FBN2: variants seen among roughly 807,000 people sequenced by gnomAD.
The protein encoded by FBN2 is fibrillin-2.
In FBN2, 105 loss-of-function variants were observed where a neutral mutation model predicts 355.6. The observed-to-expected ratio is 0.30, with a 90% CI of 0.25 to 0.35. The LOEUF is 0.35. FBN2 is among the 10% of genes least tolerant of loss of function. The probability of loss-of-function intolerance (pLI) is 1.00; values close to 1 mark genes in which losing one functional copy is unlikely to be tolerated. For synonymous variants in FBN2, 1,350 were observed against 1,301.2 expected (o/e 1.04, Z -0.81); for missense variants, 3,280 against 3,758.7 (o/e 0.87, Z 3.33).
chr5:128,286,252 T>A (rs1483691503), intron 55 of FBN2, among the ~76,000 whole-genome samples: 1 of 152,198 alleles, frequency 6.6e-6, no homozygotes, highest in Non-Finnish European at 1.5e-5. Flanking sequence ...GTATATATAA[T>A]TTTTTATATG....
chr5:128,402,031 G>A (rs1312615395), intron 8 of FBN2, among the ~76,000 whole-genome samples: 1 of 152,092 alleles, frequency 6.6e-6, no homozygotes, highest in Admixed American at 6.5e-5. Flanking sequence ...ACATACACTG[G>A]TGTAGCATCT....
chr5:128,277,363 G>T (rs563001378), intron 58 of FBN2, among the ~76,000 whole-genome samples: 101 of 152,298 alleles, frequency 6.6e-4, no homozygotes, highest in Middle Eastern at 3.4e-3. Flanking sequence ...TACTGAGACT[G>T]CTCCGCAGCT....
At chr5:128,442,415 G>T (rs1382773893) in intron 7 of FBN2, 2 of 455,060 alleles carry the variant, frequency 4.4e-6, no homozygotes, top group South Asian at 1.6e-5. Flanking sequence ...AAAGAAAAAC[G>T]CTGAGCTGTC....
chr5:128,322,676 T>A (rs533454073), intron 34 of FBN2, among the ~76,000 whole-genome samples: 1 of 152,206 alleles, frequency 6.6e-6, no homozygotes, highest in Non-Finnish European at 1.5e-5. Context: ...CATGCTGTTA[T>A]GGTTACTGTG....
intron 7 of FBN2, among the ~76,000 whole-genome samples, chr5:128,444,088 C>T (rs1393802183): frequency 9.6e-5 from 9 of 93,672 alleles, no homozygotes; most frequent in Admixed American, 1.7e-4. Context: ...TTTTTTGAGA[C>T]GGAGTCTCGC....
chr5:128,536,039 CATA>C (rs1372240229), intron 2 of FBN2, among the ~76,000 whole-genome samples: 16 of 152,102 alleles, frequency 1.1e-4, no homozygotes, highest in Admixed American at 1.0e-3. Flanking sequence ...TGATAATTTG[CATA>C]ATAACATGTG....
intron 11 of FBN2, among the ~76,000 whole-genome samples, chr5:128,384,511 TTAAC>T (rs1752316527): frequency 6.6e-6 from 1 of 152,116 alleles, no homozygotes; most frequent in Non-Finnish European, 1.5e-5. Context: ...TCCATCATGA[TTAAC>T]TAAGAAAAAG....
intron 13 of FBN2, among the ~76,000 whole-genome samples, chr5:128,377,387 A>G (rs1241354979): frequency 1.3e-5 from 2 of 152,118 alleles, no homozygotes; most frequent in African/African-American, 2.4e-5. Context: ...GACCTTTTCT[A>G]TTTTGTCAGT....
chr5:128,412,088 T>TC (rs1403829089), intron 7 of FBN2, among the ~76,000 whole-genome samples: 1 of 151,358 alleles, frequency 6.6e-6, no homozygotes, highest in Admixed American at 6.6e-5. Flanking sequence ...CTGCCACCCA[T>TC]CTCTCCTTGA....
intron 34 of FBN2, chr5:128,328,311 T>C (rs759310329): frequency 1.3e-4 from 57 of 433,608 alleles, no homozygotes; most frequent in Non-Finnish European, 2.3e-4. Flanking sequence ...ATGCCAAAAA[T>C]GAGCTTTTTA....
chr5:128,480,274 A>G lies in FBN2; in HGVS notation c.629-15353T>C, dbSNP rs961207360. Among the ~76,000 whole-genome samples, 9 of 150,974 alleles carry G rather than the reference A, an allele frequency of 6.0e-5. No individual in the cohort carries two copies. The East Asian group carries it at 1.2e-3, about 20-fold the overall frequency. ...GTTTATCTTCTATCTAGGAATCTCA[A>G]CAGGTAAGGTGTCATATTTTGTGTC... On this transcript the variant is annotated intron_variant, in intron 5 of 64. Transcript: ENST00000262464.
intron 61 of FBN2, 102 bp downstream of exon 61, chr5:128,273,738 C>CT (rs539355155): frequency 1.1e-5 from 14 of 1,234,730 alleles, no homozygotes; most frequent in Middle Eastern, 1.9e-4. Context: ...TTGTTCAATA[C>CT]TTTTTTTTCT....
chr5:128,283,142 T>C (rs1188672998), intron 55 of FBN2, among the ~76,000 whole-genome samples: 1 of 152,250 alleles, frequency 6.6e-6, no homozygotes, highest in African/African-American at 2.4e-5. Flanking sequence ...ACCGGTACTC[T>C]AGATTGCCTT....
At position 128,417,715 on chromosome 5, in the gene FBN2, T is replaced by G. The variant is rs374945663; in HGVS notation, c.953-8916A>C. Among the ~76,000 whole-genome samples the G allele has an allele frequency of 2.6e-5, 4 of 152,164 alleles. No individual in the cohort carries two copies. In the South Asian group the frequency reaches 8.3e-4, roughly 32 times the overall value. On this transcript the variant is annotated intron_variant, in intron 7 of 64. Coordinates refer to ENST00000262464, the MANE Select transcript of FBN2 (RefSeq NM_001999.4). Reference sequence around the variant, plus strand: ...GGATAAATCTCATTTGATTGTGGTGTGTTATCTTTCTGATGTGCTGTTGGA... The same window carrying G: ...GGATAAATCTCATTTGATTGTGGTGGGTTATCTTTCTGATGTGCTGTTGGA...
intron 5 of FBN2, among the ~76,000 whole-genome samples, chr5:128,494,510 C>T (rs1193514460): frequency 6.6e-6 from 1 of 152,144 alleles, no homozygotes; most frequent in Non-Finnish European, 1.5e-5. Flanking sequence ...CTGGATCAGA[C>T]TATGGAGCAA....
intron 48 of FBN2, among the ~76,000 whole-genome samples, chr5:128,294,083 C>T (rs1435670801): frequency 7.9e-5 from 12 of 151,426 alleles, no homozygotes; most frequent in African/African-American, 2.2e-4. Context: ...TGAGAATATG[C>T]GGTGTTTGGT....
intron 9 of FBN2, among the ~76,000 whole-genome samples, chr5:128,394,523 C>G (rs1461447309): frequency 6.6e-6 from 1 of 152,084 alleles, no homozygotes; most frequent in African/African-American, 2.4e-5. Context: ...TTTTCTTCCT[C>G]ATAGATATTT....
intron 5 of FBN2, among the ~76,000 whole-genome samples, chr5:128,503,324 T>A: frequency 6.6e-6 from 1 of 152,222 alleles, no homozygotes; most frequent in East Asian, 1.9e-4. Context: ...GAGAACAGAC[T>A]ACTAATACAG....
At chr5:128,503,076 G>T (rs576755866) in intron 5 of FBN2, among the ~76,000 whole-genome samples, 1 of 107,282 alleles carries the variant, frequency 9.3e-6, no homozygotes, top group African/African-American at 7.6e-5. Flanking sequence ...GAATCACAGG[G>T]ACAGTTTCCC....
Sources: allele counts gnomAD v4.1 joint callset (sites outside exome capture counted in the v4.1 genomes callset), GRCh38; gene constraint gnomAD v4.1.1; transcripts MANE v1.5; gene names NCBI Gene and HGNC (gene_info 2026-07-23, HGNC 2026-07-21).